Variants in SYN3 observed in about 807,000 individuals in gnomAD.
The protein encoded by SYN3 is synapsin-3.
SYN3 carries 35 observed loss-of-function variants against 65.8 expected under a neutral mutation model. That is an observed-to-expected ratio of 0.53 (90% CI 0.41 to 0.70). The LOEUF (loss-of-function observed/expected upper bound fraction) is 0.70. SYN3 is among the 30% of genes least tolerant of loss of function. SYN3 has a pLI of 0.00. For synonymous variants in SYN3, 270 were observed against 292.9 expected (o/e 0.92, Z 0.80); for missense variants, 680 against 749.0 (o/e 0.91, Z 1.08).
intron 6 of SYN3, among the ~76,000 whole-genome samples, chr22:32,717,622 G>A (rs2061056790): frequency 6.6e-6 from 1 of 152,190 alleles, no homozygotes; most frequent in African/African-American, 2.4e-5. Context: ...CTGAGGGCTG[G>A]GGCCAGGAAG....
intron 3 of SYN3, among the ~76,000 whole-genome samples, chr22:32,958,218 C>T (rs1241244312): frequency 6.6e-6 from 1 of 152,186 alleles, no homozygotes; most frequent in Admixed American, 6.5e-5. Context: ...ACATCAACAG[C>T]AGCTCCACAC....
chr22:32,629,546 A>T (rs1268982013), intron 6 of SYN3: 1 of 152,292 alleles, frequency 6.6e-6, no homozygotes, highest in Non-Finnish European at 1.5e-5. Context: ...CACGGTGTGG[A>T]CGAGAGGTTG....
intron 6 of SYN3, chr22:32,860,384 C>T (rs1276816177): frequency 6.6e-6 from 1 of 152,648 alleles, no homozygotes; most frequent in African/African-American, 2.4e-5. Context: ...TTTGTATACA[C>T]ATTTGCATAT....
At chr22:33,004,361 C>CA (rs2053145399) in intron 2 of SYN3, among the ~76,000 whole-genome samples, 1 of 152,216 alleles carries the variant, frequency 6.6e-6, no homozygotes, top group South Asian at 2.1e-4. Context: ...CTGTACCCTG[C>CA]AAAACTATAG....
At chr22:32,919,275 C>T (rs751391267) in intron 4 of SYN3, among the ~76,000 whole-genome samples, 3 of 152,196 alleles carry the variant, frequency 2.0e-5, no homozygotes, top group Non-Finnish European at 4.4e-5. Context: ...TTCCCTGCTT[C>T]CCACACCTCA....
intron 4 of SYN3, among the ~76,000 whole-genome samples, chr22:32,879,486 G>C (rs1367591587): frequency 6.6e-6 from 1 of 152,188 alleles, no homozygotes; most frequent in African/African-American, 2.4e-5. Flanking sequence ...TTTCTGGTTT[G>C]TAGATGGCAC....
rs76256447 is a variant in SYN3 at position 32,656,210 on chromosome 22, T to C, written c.712-59474A>G. Among the ~76,000 whole-genome samples the C allele has an allele frequency of 2.1e-3, 317 of 152,332 alleles. 5 individuals carry two copies. The East Asian group carries it at 0.037, about 18-fold the overall frequency. ...CTGCAGGGCAGGCCTCATGTCCCCT[T>C]TCAGCACAGTGGTTATGAGTCAAAC... is the stretch of plus-strand genomic sequence containing the variant. On this transcript the variant is annotated intron_variant, in intron 6 of 13. Coordinates refer to ENST00000358763, the MANE Select transcript of SYN3 (RefSeq NM_003490.4).
rs1488779022 is a variant in SYN3 at position 32,721,226 on chromosome 22, G to C, written c.712-124490C>G. Among the ~76,000 whole-genome samples the C allele has an allele frequency of 2.6e-5, 4 of 152,206 alleles. No individual in the cohort carries two copies. The East Asian group carries it at 7.7e-4, about 29-fold the overall frequency. On this transcript the variant is annotated intron_variant, in intron 6 of 13. Coordinates refer to ENST00000358763, the MANE Select transcript of SYN3 (RefSeq NM_003490.4). The stretch of plus-strand genomic sequence containing the variant: ...AGCTCCCGGTGGTGGGCAGGCAGCT[G>C]CTGCTGCCACCTCCCCTGGTGCAGC...
In SYN3 at chr22:32,738,765, A is replaced by T. The variant is rs73156443; in HGVS notation, c.711+126150T>A. On this transcript the variant is annotated intron_variant, in intron 6 of 13. Coordinates refer to ENST00000358763, the MANE Select transcript of SYN3 (RefSeq NM_003490.4). ...ATCAGAAGAGAGGAGTTAGCATTTT[A>T]AAAAATGATCATTAAAAGCTCAGTG... is the stretch of plus-strand genomic sequence containing the variant. Among the ~76,000 whole-genome samples the T allele has an allele frequency of 3.5e-3, 539 of 152,352 alleles. 3 individuals are homozygous for T. The highest frequency in any genetic ancestry group is 0.013 in the East Asian group (66 of 5,184).
At chr22:32,965,736 C>T (rs1302748898) in intron 3 of SYN3, among the ~76,000 whole-genome samples, 1 of 152,132 alleles carries the variant, frequency 6.6e-6, no homozygotes, top group Non-Finnish European at 1.5e-5. Context: ...CGCTCTTTCG[C>T]CCAGGCTGAA....
chr22:32,599,099 T>C (rs981862490), intron 6 of SYN3, among the ~76,000 whole-genome samples: 3 of 152,214 alleles, frequency 2.0e-5, no homozygotes, highest in Non-Finnish European at 2.9e-5. Context: ...TCCCTTGATT[T>C]GTTCTGTTTT....
At chr22:32,909,507 C>G (rs2049991381) in intron 4 of SYN3, among the ~76,000 whole-genome samples, 1 of 152,094 alleles carries the variant, frequency 6.6e-6, no homozygotes, top group African/African-American at 2.4e-5. Context: ...GGAAAGACCC[C>G]AAATCTATTA....
chr22:32,715,511 T>C (rs1449003255), intron 6 of SYN3, among the ~76,000 whole-genome samples: 4 of 152,160 alleles, frequency 2.6e-5, no homozygotes, highest in African/African-American at 9.7e-5. Context: ...CTGGGCGCGG[T>C]GGCTCACGCC....
intron 4 of SYN3, among the ~76,000 whole-genome samples, chr22:32,927,088 A>C (rs1308444024): frequency 6.6e-6 from 1 of 152,074 alleles, no homozygotes; most frequent in Admixed American, 6.6e-5. Flanking sequence ...ATGGCTATTT[A>C]CCTACCGGTA....
chr22:32,909,951 C>T (rs112230722), intron 4 of SYN3, among the ~76,000 whole-genome samples: 399 of 152,200 alleles, frequency 2.6e-3, no homozygotes, highest in African/African-American at 8.9e-3. Context: ...TCGGAGACTG[C>T]GAGAAGGCGC....
chr22:32,981,397 C>T (rs930000612), intron 2 of SYN3, among the ~76,000 whole-genome samples: 3 of 151,540 alleles, frequency 2.0e-5, no homozygotes, highest in Non-Finnish European at 4.4e-5. Flanking sequence ...ACCAGTCTGA[C>T]CAACATGGAG....
intron 6 of SYN3, among the ~76,000 whole-genome samples, chr22:32,748,360 T>G (rs1015714630): frequency 3.9e-5 from 6 of 152,154 alleles, no homozygotes; most frequent in Non-Finnish European, 8.8e-5. Flanking sequence ...TTGTATAACT[T>G]TGTACAGACA....
chr22:32,799,004 T>C (rs2046498266), intron 6 of SYN3, among the ~76,000 whole-genome samples: 1 of 152,208 alleles, frequency 6.6e-6, no homozygotes, highest in Non-Finnish European at 1.5e-5. Context: ...ATCTTCATTC[T>C]TACTGTTAGC....
intron 6 of SYN3, among the ~76,000 whole-genome samples, chr22:32,647,169 A>G (rs935807282): frequency 1.3e-5 from 2 of 152,138 alleles, no homozygotes; most frequent in African/African-American, 4.8e-5. Flanking sequence ...CTTGGAAGAC[A>G]CCACCCAGAA....
Sources: allele counts gnomAD v4.1 joint callset (sites outside exome capture counted in the v4.1 genomes callset), GRCh38; gene constraint gnomAD v4.1.1; transcripts MANE v1.5; gene names NCBI Gene and HGNC (gene_info 2026-07-23, HGNC 2026-07-21).